Variants in HDAC9 observed in about 807,000 individuals in gnomAD.
HDAC9 encodes the protein MEF-2 interacting transcription repressor (MITR) protein.
HDAC9 carries 41 observed loss-of-function variants against 139.4 expected under a neutral mutation model. The observed-to-expected ratio is 0.29, with a 90% confidence interval of 0.23 to 0.38. The LOEUF is 0.38. Among genes scored for constraint, HDAC9 ranks in the 10% least tolerant of loss-of-function variants. HDAC9 has a pLI of 1.00. For synonymous variants in HDAC9, 517 were observed against 476.2 expected (o/e 1.09, Z -1.12); for missense variants, 1,147 against 1,297.0 (o/e 0.88, Z 1.78).
chr7:18,686,620 A>T (rs974744150), intron 12 of HDAC9, among the ~76,000 whole-genome samples: 1 of 151,918 alleles, frequency 6.6e-6, no homozygotes. Flanking sequence ...ACCTCTTAGA[A>T]TATCTAGAGA....
chr7:18,475,466 T>A (rs1364631513), intron 1 of HDAC9, among the ~76,000 whole-genome samples: 1 of 152,218 alleles, frequency 6.6e-6, no homozygotes, highest in African/African-American at 2.4e-5. Flanking sequence ...GCTATCATTA[T>A]CAGAAATTAC....
chr7:18,921,278 C>T lies in HDAC9; in HGVS notation c.2804-14531C>T, dbSNP rs564398883. 1.6e-4 allele frequency among the ~76,000 whole-genome samples: 25 copies of T among 152,206 alleles called. No homozygotes were observed. The South Asian group carries it at 5.0e-3, about 30-fold the overall frequency. On this transcript the variant is annotated intron_variant, in intron 22 of 25. Coordinates refer to ENST00000686413, the MANE Select transcript of HDAC9 (RefSeq NM_178425.4). Reference sequence around the variant, plus strand: ...GCTTCTGCACAGCAAACGAAACCACCATCAGAGTGAACAGGCAACCTACAG... The same window carrying T: ...GCTTCTGCACAGCAAACGAAACCACTATCAGAGTGAACAGGCAACCTACAG...
At chr7:18,096,137 C>G (rs1782485557) in intron 1 of HDAC9, among the ~76,000 whole-genome samples, 1 of 152,096 alleles carries the variant, frequency 6.6e-6, no homozygotes. Flanking sequence ...AATCTGTAAG[C>G]TGTATTCCAA....
intron 1 of HDAC9, among the ~76,000 whole-genome samples, chr7:18,301,801 A>T (rs1798557805): frequency 6.6e-6 from 1 of 152,204 alleles, no homozygotes; most frequent in Non-Finnish European, 1.5e-5. Context: ...TGAATGAATG[A>T]TGCAGTGGAT....
intron 1 of HDAC9, among the ~76,000 whole-genome samples, chr7:18,296,818 G>C (rs1263265439): frequency 6.6e-6 from 1 of 152,164 alleles, no homozygotes; most frequent in East Asian, 1.9e-4. Flanking sequence ...TGTGGAGAAA[G>C]GGGGAGCCTA....
At chr7:18,202,309 A>G (rs893563240) in intron 2 of HDAC9, among the ~76,000 whole-genome samples, 2 of 152,010 alleles carry the variant, frequency 1.3e-5, no homozygotes, top group Non-Finnish European at 2.9e-5. Context: ...CTTTTTTTAA[A>G]TCTTCTACAT....
At chr7:18,308,612 C>T (rs765607100) in intron 1 of HDAC9, among the ~76,000 whole-genome samples, 24 of 152,050 alleles carry the variant, frequency 1.6e-4, no homozygotes, top group South Asian at 8.3e-4. Flanking sequence ...GTGTGTCTGA[C>T]CTGGAAAGAA....
intron 1 of HDAC9, among the ~76,000 whole-genome samples, chr7:18,371,839 C>T (rs573371404): frequency 1.3e-5 from 2 of 152,198 alleles, no homozygotes; most frequent in South Asian, 4.2e-4. Flanking sequence ...GTTAACTTGC[C>T]TTGCAGTGGG....
At chr7:18,671,164 A>G (rs1276793081) in intron 12 of HDAC9, among the ~76,000 whole-genome samples, 5 of 152,026 alleles carry the variant, frequency 3.3e-5, no homozygotes, top group Admixed American at 2.0e-4. Flanking sequence ...TTTTAAACCT[A>G]TCAAGGACAC....
intron 2 of HDAC9, among the ~76,000 whole-genome samples, chr7:18,243,318 A>G (rs1487152206): frequency 1.3e-5 from 2 of 152,246 alleles, no homozygotes; most frequent in Non-Finnish European, 2.9e-5. Flanking sequence ...GGACTAAAGC[A>G]TAATCCCTAC....
At chr7:18,990,076 G>C (rs572327370) in intron 25 of HDAC9, among the ~76,000 whole-genome samples, 19 of 152,172 alleles carry the variant, frequency 1.2e-4, no homozygotes, top group Non-Finnish European at 2.4e-4. Context: ...TCTCCGTCCA[G>C]CTTTGTTCCA....
intron 1 of HDAC9, among the ~76,000 whole-genome samples, chr7:18,480,224 A>G (rs894009019): frequency 6.6e-6 from 1 of 152,166 alleles, no homozygotes; most frequent in African/African-American, 2.4e-5. Flanking sequence ...CAACACTACT[A>G]TTAGGGATAG....
intron 2 of HDAC9, among the ~76,000 whole-genome samples, chr7:18,548,225 A>G (rs540914702): frequency 6.6e-6 from 1 of 152,230 alleles, no homozygotes; most frequent in South Asian, 2.1e-4. Context: ...TTACAGATTA[A>G]GTTCGCCGTC....
rs186681884 is a variant in HDAC9 at position 18,795,061 on chromosome 7, A to G, written c.2322+1609A>G. Among the ~76,000 whole-genome samples, 37 of 152,238 alleles carry G rather than the reference A, an allele frequency of 2.4e-4. No homozygotes were observed. In the East Asian group the frequency reaches 2.5e-3, roughly 10 times the overall value. On this transcript the variant is annotated intron_variant, in intron 17 of 25. Transcript: ENST00000686413. ...TGCACGAAGATAGTTGAATAAAAAC[A>G]TAATTCCATGTTTAGAAGTTATCCA...
chr7:18,792,267 TA>T (rs79869842), intron 16 of HDAC9, among the ~76,000 whole-genome samples: 1,868 of 141,264 alleles, frequency 0.013, 22 homozygotes, highest in African/African-American at 0.025. Flanking sequence ...CTTTTTTTTT[TA>T]AAAAAAAAAA....
At chr7:18,670,246 T>G (rs904692976) in intron 12 of HDAC9, among the ~76,000 whole-genome samples, 1 of 152,044 alleles carries the variant, frequency 6.6e-6, no homozygotes, top group Non-Finnish European at 1.5e-5. Flanking sequence ...TTCCCTTTAT[T>G]ATTGATCATT....
At chr7:18,455,136 A>C (rs1793225831) in intron 1 of HDAC9, among the ~76,000 whole-genome samples, 1 of 152,144 alleles carries the variant, frequency 6.6e-6, no homozygotes, top group Non-Finnish European at 1.5e-5. Flanking sequence ...GGGACATAGA[A>C]ATAAGTGTAG....
At chr7:18,896,057 A>G (rs1170249621) in intron 22 of HDAC9, among the ~76,000 whole-genome samples, 1 of 152,122 alleles carries the variant, frequency 6.6e-6, no homozygotes, top group Non-Finnish European at 1.5e-5. Flanking sequence ...GAAGGGAAAC[A>G]TCAAGAAGAT....
chr7:18,537,024 C>G (rs563352266), intron 2 of HDAC9, among the ~76,000 whole-genome samples: 13 of 152,196 alleles, frequency 8.5e-5, no homozygotes, highest in South Asian at 2.1e-4. Context: ...CCACGTTCTC[C>G]TGACTCTCTT....
Sources: gnomAD v4.1 joint callset for allele counts (sites outside exome capture counted in the v4.1 genomes callset) on GRCh38, gnomAD v4.1.1 for gene constraint, MANE v1.5 for transcripts, NCBI Gene and HGNC (gene_info 2026-07-23, HGNC 2026-07-21) for gene names.